Variants in TASP1 observed in about 807,000 individuals in gnomAD.
TASP1 encodes taspase 1.
In TASP1, 16 loss-of-function variants were observed where a neutral mutation model predicts 56.6. That is an observed-to-expected ratio of 0.28 (90% confidence interval 0.19 to 0.43). The LOEUF is 0.43. TASP1 is among the 20% of genes least tolerant of loss of function. The pLI, the probability that TASP1 is intolerant of heterozygous loss-of-function variation, is 1.00. For missense variants in TASP1, 393 were observed against 511.6 expected (o/e 0.77, Z 2.24); for synonymous variants, 179 against 184.2 (o/e 0.97, Z 0.23).
chr20:13,340,883 T>C, the TASP1 span, among the ~76,000 whole-genome samples: 2 of 152,244 alleles, frequency 1.3e-5, no homozygotes, highest in Admixed American at 6.5e-5. Context: ...ATCTCATTAA[T>C]TGAATTCTCA....
intron 10 of TASP1, among the ~76,000 whole-genome samples, chr20:13,493,764 G>C (rs1250329642): frequency 6.6e-6 from 1 of 152,106 alleles, no homozygotes; most frequent in Non-Finnish European, 1.5e-5. Context: ...TATAAGTTCT[G>C]TCCCTCTGGA....
At chr20:13,317,793 A>G in the TASP1 span, among the ~76,000 whole-genome samples, 1 of 152,154 alleles carries the variant, frequency 6.6e-6, no homozygotes, top group Admixed American at 6.5e-5. Context: ...AATTAACTCA[A>G]AATGAATCAT....
intron 13 of TASP1, among the ~76,000 whole-genome samples, chr20:13,411,215 T>C (rs1235671722): frequency 6.6e-6 from 1 of 152,192 alleles, no homozygotes; most frequent in Admixed American, 6.6e-5. Flanking sequence ...TTTTGGTTAC[T>C]ATAGGTTTGC....
chr20:13,146,199 C>G, the TASP1 span, among the ~76,000 whole-genome samples: 1 of 152,108 alleles, frequency 6.6e-6, no homozygotes, highest in African/African-American at 2.4e-5. Context: ...ACCACATGTT[C>G]TTACTTATAG....
At chr20:13,594,456 C>T (rs546680601) in intron 4 of TASP1, among the ~76,000 whole-genome samples, 9 of 152,054 alleles carry the variant, frequency 5.9e-5, no homozygotes, top group African/African-American at 1.9e-4. Context: ...TCTAACACAT[C>T]GCAAAAAGCT....
At chr20:13,327,242 T>C in the TASP1 span, among the ~76,000 whole-genome samples, 78 of 152,134 alleles carry the variant, frequency 5.1e-4, no homozygotes, top group East Asian at 8.5e-3. Context: ...TACCCAGGAA[T>C]AGAGCTAATA....
At chr20:13,300,082 T>C in the TASP1 span, 1 of 152,248 alleles carries the variant, frequency 6.6e-6, no homozygotes, top group African/African-American at 2.4e-5. Context: ...AGTCTCAGAT[T>C]CCAAAAGTCT....
intron 10 of TASP1, among the ~76,000 whole-genome samples, chr20:13,490,915 G>C (rs2043504345): frequency 6.6e-6 from 1 of 152,106 alleles, no homozygotes; most frequent in Non-Finnish European, 1.5e-5. Context: ...TGACCATAGA[G>C]TAAGCACTTA....
At chr20:13,339,247 T>C in the TASP1 span, among the ~76,000 whole-genome samples, 132 of 152,300 alleles carry the variant, frequency 8.7e-4, no homozygotes, top group African/African-American at 3.1e-3. Context: ...TGGACTTTGC[T>C]CCCATTTCAT....
At chr20:13,319,126 T>C in the TASP1 span, among the ~76,000 whole-genome samples, 3 of 152,134 alleles carry the variant, frequency 2.0e-5, no homozygotes, top group Admixed American at 2.0e-4. Flanking sequence ...GGGCAGGGGA[T>C]ATTTGGGAAA....
the TASP1 span, among the ~76,000 whole-genome samples, chr20:13,207,877 C>T: frequency 2.7e-4 from 41 of 151,760 alleles, no homozygotes; most frequent in Non-Finnish European, 5.7e-4. Flanking sequence ...AGCCTAATAT[C>T]GATATATCAG....
intron 4 of TASP1, among the ~76,000 whole-genome samples, chr20:13,618,730 G>A (rs1177688402): frequency 2.6e-5 from 4 of 152,104 alleles, no homozygotes; most frequent in Admixed American, 2.6e-4. Flanking sequence ...TGACCATAGG[G>A]AGCTTTAAAG....
the TASP1 span, among the ~76,000 whole-genome samples, chr20:13,245,971 A>T: frequency 6.6e-6 from 1 of 152,182 alleles, no homozygotes; most frequent in East Asian, 1.9e-4. Context: ...GACAGGCCAC[A>T]AAAGCTTTTC....
At chr20:13,191,117 C>T in the TASP1 span, among the ~76,000 whole-genome samples, 5 of 152,126 alleles carry the variant, frequency 3.3e-5, no homozygotes, top group Admixed American at 1.3e-4. Context: ...TGGAGAAAGG[C>T]GAACTCTTAT....
intron 12 of TASP1, among the ~76,000 whole-genome samples, chr20:13,425,830 T>A (rs1457103781): frequency 6.6e-6 from 1 of 151,764 alleles, no homozygotes; most frequent in African/African-American, 2.4e-5. Context: ...AAAAAAAAAA[T>A]GCAAAGACGC....
chr20:13,555,288 G>T (rs2046117684), intron 8 of TASP1, among the ~76,000 whole-genome samples: 1 of 149,092 alleles, frequency 6.7e-6, no homozygotes, highest in Admixed American at 6.8e-5. Context: ...GGAGGCTGAG[G>T]CAGGAGAATT....
chr20:13,154,085 C>T, the TASP1 span: 1 of 1,614,126 alleles, frequency 6.2e-7, no homozygotes, highest in Non-Finnish European at 8.5e-7. Context: ...TTATCTATGG[C>T]AATGAGAATG....
intron 11 of TASP1, among the ~76,000 whole-genome samples, chr20:13,467,377 A>G (rs1352509755): frequency 6.6e-6 from 1 of 151,618 alleles, no homozygotes; most frequent in Non-Finnish European, 1.5e-5. Flanking sequence ...TCAAACTACC[A>G]TCTATTAAAA....
chr20:13,390,240 G>C lies in TASP1; in HGVS notation c.*120C>G. Reference sequence around the variant, plus strand: ...CAGCAGCACTTGTGTCTCGAGCAGTGCACGAGGTTGCAATAGGAATTATAA... The same window carrying C: ...CAGCAGCACTTGTGTCTCGAGCAGTCCACGAGGTTGCAATAGGAATTATAA... On this transcript the variant is annotated 3_prime_UTR_variant, in exon 14 of 14. Coordinates refer to ENST00000337743, the MANE Select transcript of TASP1 (RefSeq NM_017714.3). The C allele has an allele frequency of 1.1e-6, 1 of 880,142 alleles. No individual in the cohort carries two copies. Among genetic ancestry groups the C allele is most frequent in the African/African-American group, 1.7e-5 (1 of 59,948 alleles). The allele number at this position is 880,142 out of a possible 1,614,324, so 54.5% of individuals were successfully genotyped here. A position where few individuals can be genotyped will look rare whatever the true frequency, so the allele number is the denominator to read the frequency against.
Sources: gnomAD v4.1 joint callset for allele counts (sites outside exome capture counted in the v4.1 genomes callset) on GRCh38, gnomAD v4.1.1 for gene constraint, MANE v1.5 for transcripts, NCBI Gene and HGNC (gene_info 2026-07-23, HGNC 2026-07-21) for gene names.